Variants in SERGEF observed in about 807,000 individuals in gnomAD.
SERGEF encodes secretion regulating guanine nucleotide exchange factor.
A neutral mutation model predicts 50.0 loss-of-function variants in SERGEF; 51 were observed. That is an observed-to-expected ratio of 1.02 (90% confidence interval 0.81 to 1.29). The LOEUF is 1.29. Ranked by LOEUF, SERGEF falls within the 50% of genes most tolerant of loss-of-function variation. SERGEF has a pLI of 0.00. For missense variants in SERGEF, 521 were observed against 557.0 expected, an observed-to-expected ratio of 0.94 and a Z score of 0.65; for synonymous variants, 205 against 212.4, an observed-to-expected ratio of 0.97 and a Z score of 0.30.
At chr11:17,800,669 T>C (rs537023802) in intron 10 of SERGEF, among the ~76,000 whole-genome samples, 2 of 152,228 alleles carry the variant, frequency 1.3e-5, no homozygotes, top group South Asian at 2.1e-4. Context: ...AAAAACAGTA[T>C]ATGATTTAGA....
intron 10 of SERGEF, among the ~76,000 whole-genome samples, chr11:17,844,114 G>A (rs1235606917): frequency 5.3e-5 from 8 of 152,108 alleles, no homozygotes; most frequent in Admixed American, 5.2e-4. Flanking sequence ...ATAGATATGA[G>A]AACAGAGGGG....
intron 10 of SERGEF, among the ~76,000 whole-genome samples, chr11:17,850,093 A>G (rs1036100596): frequency 5.3e-5 from 8 of 152,086 alleles, no homozygotes; most frequent in Non-Finnish European, 8.8e-5. Context: ...GTGGAAGGAG[A>G]AGAGAACACA....
chr11:17,842,093 T>C (rs1011411124), intron 10 of SERGEF, among the ~76,000 whole-genome samples: 1 of 152,244 alleles, frequency 6.6e-6, no homozygotes, highest in South Asian at 2.1e-4. Flanking sequence ...TTTTTAACAG[T>C]GTCTGAGTCC....
chr11:17,949,919 T>C (rs1852742614), intron 9 of SERGEF, among the ~76,000 whole-genome samples: 1 of 152,024 alleles, frequency 6.6e-6, no homozygotes, highest in Admixed American at 6.6e-5. Context: ...GAGAAATAGG[T>C]AGTAGTTGTC....
At chr11:17,902,211 T>C (rs1284766143) in intron 9 of SERGEF, among the ~76,000 whole-genome samples, 1 of 115,578 alleles carries the variant, frequency 8.7e-6, no homozygotes, top group Admixed American at 8.2e-5. Flanking sequence ...CAAACCTATA[T>C]GGGAATTGAA....
chr11:17,835,768 A>G (rs1850386339), intron 10 of SERGEF, among the ~76,000 whole-genome samples: 1 of 152,238 alleles, frequency 6.6e-6, no homozygotes, highest in South Asian at 2.1e-4. Context: ...GCTGTTTAAT[A>G]TAACTTAATA....
intron 8 of SERGEF, among the ~76,000 whole-genome samples, chr11:17,963,809 C>G (rs1853065083): frequency 6.6e-6 from 1 of 152,190 alleles, no homozygotes; most frequent in African/African-American, 2.4e-5. Flanking sequence ...CCTGCTTATT[C>G]TTGCAACAAC....
intron 10 of SERGEF, among the ~76,000 whole-genome samples, chr11:17,851,832 C>A (rs148512702): frequency 6.6e-6 from 1 of 152,122 alleles, no homozygotes; most frequent in Admixed American, 6.5e-5. Context: ...GGCAGGAGTA[C>A]GTGCCTTCAG....
At chr11:17,953,546 A>T (rs1317148533) in intron 9 of SERGEF, among the ~76,000 whole-genome samples, 1 of 152,216 alleles carries the variant, frequency 6.6e-6, no homozygotes, top group Non-Finnish European at 1.5e-5. Flanking sequence ...CCTATTCCCA[A>T]ACTGGCCTGG....
At chr11:17,947,976 G>A (rs1042795011) in intron 9 of SERGEF, among the ~76,000 whole-genome samples, 42 of 142,190 alleles carry the variant, frequency 3.0e-4, no homozygotes, top group African/African-American at 1.0e-3. Flanking sequence ...TTTCTGAGAC[G>A]GAGTCTTGTT....
At chr11:17,962,370 A>G in intron 8 of SERGEF, among the ~76,000 whole-genome samples, 1 of 152,198 alleles carries the variant, frequency 6.6e-6, no homozygotes, top group East Asian at 1.9e-4. Flanking sequence ...CCACATATAA[A>G]AAATGCTCAT....
rs373282345 is a variant in SERGEF, at chr11:17,959,569, A to C, written c.912T>G (p.Tyr304Ter). 47 of 1,614,088 alleles carry C rather than the reference A, an allele frequency of 2.9e-5. No homozygotes were observed. The highest frequency in any genetic ancestry group is 4.0e-5 in the Non-Finnish European group (47 of 1,180,022). ...YGQLGRKLET[Y>*]EGWKLEKQDS... ...CTTGCTTTTCTAGTTTCCAGCCTTC[A>C]TAAGTCTCCAACTTCCTCCCTAGCT... Residue 304 changes from tyrosine to a stop codon, truncating the protein, a stop_gained, in exon 9 of 11, where the codon TAT (tyrosine) becomes TAG (stop). Transcript: ENST00000265965. LOFTEE classifies it high-confidence loss of function.
At chr11:17,880,429 C>G (rs1851315523) in intron 9 of SERGEF, among the ~76,000 whole-genome samples, 2 of 152,064 alleles carry the variant, frequency 1.3e-5, no homozygotes, top group African/African-American at 4.8e-5. Flanking sequence ...GTAGAGCCAT[C>G]TGATGGACTA....
intron 9 of SERGEF, among the ~76,000 whole-genome samples, chr11:17,959,092 C>A (rs1486134182): frequency 6.6e-6 from 1 of 152,180 alleles, no homozygotes; most frequent in Non-Finnish European, 1.5e-5. Context: ...TGGTCTCGAA[C>A]TCCTGACGTC....
At position 17,923,940 on chromosome 11, in the gene SERGEF, G is replaced by A. The variant is rs148611169; in HGVS notation, c.1011+35530C>T. ...TATCTACAGCCATCTAGCATAGTGC[G>A]TGGTACAATTCCCAGGCCTACCAAT... On this transcript the variant is annotated intron_variant, in intron 9 of 10. Coordinates refer to ENST00000265965, the MANE Select transcript of SERGEF (RefSeq NM_012139.4). Among the ~76,000 whole-genome samples the A allele has an allele frequency of 3.3e-3, 498 of 152,292 alleles. 4 individuals are homozygous for A. The highest frequency in any genetic ancestry group is 0.011 in the African/African-American group (474 of 41,556).
chr11:17,791,790 G>C (rs529440845), intron 10 of SERGEF, among the ~76,000 whole-genome samples: 1 of 152,346 alleles, frequency 6.6e-6, no homozygotes, highest in African/African-American at 2.4e-5. Context: ...AAATGAGTAA[G>C]TATAGTATAT....
intron 9 of SERGEF, among the ~76,000 whole-genome samples, chr11:17,896,572 GAA>G (rs1851627319): frequency 2.6e-5 from 1 of 38,004 alleles, no homozygotes; most frequent in South Asian, 1.6e-3. Flanking sequence ...AAGGGAAGGG[GAA>G]GGGAAGGGAA....
At chr11:17,845,720 C>T (rs994182093) in intron 10 of SERGEF, among the ~76,000 whole-genome samples, 1 of 152,188 alleles carries the variant, frequency 6.6e-6, no homozygotes, top group Non-Finnish European at 1.5e-5. Flanking sequence ...TAATCCATAA[C>T]CACAGAGTCT....
rs75669678 is a variant in SERGEF, at chr11:17,902,267, C to T, written c.1012-24023G>A. ...TATAACGTTTGGCCTGATTGCTTTA[C>T]CAAGTTTTAAGTTCAAAAGTTGGGA... On this transcript the variant is annotated intron_variant, in intron 9 of 10. Transcript: ENST00000265965. Among the ~76,000 whole-genome samples the T allele has an allele frequency of 1.5e-3, 229 of 152,130 alleles. 2 individuals carry two copies. The East Asian group carries it at 0.04, about 27-fold the overall frequency.
Sources: gnomAD v4.1 joint callset for allele counts (sites outside exome capture counted in the v4.1 genomes callset) on GRCh38, gnomAD v4.1.1 for gene constraint, MANE v1.5 for transcripts, NCBI Gene and HGNC (gene_info 2026-07-23, HGNC 2026-07-21) for gene names.